The following HERC2 variants were observed in gnomAD, a reference collection of about 807,000 sequenced individuals.
HERC2 encodes the protein E3 ubiquitin-protein ligase HERC2.
A neutral mutation model predicts 537.7 loss-of-function variants in HERC2; 102 were observed. The ratio of observed to expected loss-of-function variants is 0.19; its 90% CI spans 0.16 to 0.22. The LOEUF is 0.22. HERC2 is among the 10% of genes least tolerant of loss of function. The pLI is 1.00. For synonymous variants in HERC2, 2,224 were observed against 2,466.2 expected (o/e 0.90, Z 2.91); for missense variants, 4,236 against 6,198.2 (o/e 0.68, Z 10.63).
At chr15:28,287,740 G>GTTAT (rs2076197639) in intron 4 of HERC2, among the ~76,000 whole-genome samples, 1 of 141,050 alleles carries the variant, frequency 7.1e-6, no homozygotes, top group African/African-American at 2.7e-5. Flanking sequence ...TTTTTTTTTG[G>GTTAT]TTTGAGATGG....
intron 70 of HERC2, among the ~76,000 whole-genome samples, chr15:28,148,512 C>T (rs868325969): frequency 1.3e-5 from 2 of 152,198 alleles, no homozygotes; most frequent in South Asian, 2.1e-4. Context: ...TTCAAGAGAA[C>T]GTCCTGCAAA....
At chr15:28,114,834 G>A (rs377317962) in intron 89 of HERC2, 32 bp from the exon 90 acceptor site, 218 of 1,585,778 alleles carry the variant, frequency 1.4e-4, no homozygotes, top group African/African-American at 9.2e-4. Context: ...CCCATGTGTC[G>A]ACTCACGGCT....
At chr15:28,132,038 GC>G (rs34582496) in intron 81 of HERC2, 61 bp downstream of exon 81, 5 of 1,275,278 alleles carry the variant, frequency 3.9e-6, no homozygotes, top group Non-Finnish European at 5.0e-6. Context: ...TCCCAGAGGG[GC>G]CCTGGGGGCC....
Position 28,221,987 on chromosome 15 carries a change from C to T in HERC2, c.5652+41G>A, listed in dbSNP as rs971499835. The T allele has an allele frequency of 2.9e-6, 3 of 1,041,710 alleles. No homozygotes were observed. The African/African-American group carries it at 4.3e-5, about 15-fold the overall frequency. 64.5% of individuals were successfully genotyped at this position (1,041,710 alleles called of 1,614,324 possible). On this transcript the variant is annotated intron_variant, in intron 36 of 92. Coordinates refer to ENST00000261609, the MANE Select transcript of HERC2 (RefSeq NM_004667.6). ...TCGTACAGAACTGTGCAGAAGATAA[C>T]TAATGTGTGGCTAATGTGTTCACAT...
chr15:28,261,081 G>A (rs989802953), intron 15 of HERC2, 111 bp from the exon 16 acceptor site: 237 of 735,060 alleles, frequency 3.2e-4, no homozygotes, highest in Middle Eastern at 7.7e-4. Context: ...ACTTCTTGAG[G>A]ATAATCTGCT....
chr15:28,246,183 C>G, intron 22 of HERC2, 117 bp from the exon 23 acceptor site: 1 of 657,056 alleles, frequency 1.5e-6, no homozygotes, highest in Non-Finnish European at 2.5e-6. Context: ...TGTCCTTTAG[C>G]ATATTTCTAA....
intron 26 of HERC2, among the ~76,000 whole-genome samples, chr15:28,236,735 G>A (rs4035915): frequency 5.9e-5 from 9 of 152,038 alleles, no homozygotes; most frequent in South Asian, 2.1e-4. Context: ...CTACAAATAC[G>A]TGCCAACATG....
chr15:28,225,297 CGA>C (rs1901006909), intron 35 of HERC2, among the ~76,000 whole-genome samples: 5 of 151,478 alleles, frequency 3.3e-5, no homozygotes, highest in Non-Finnish European at 4.4e-5. Context: ...AAGAAGGAAA[CGA>C]TAGAGATTAG....
chr15:28,177,340 T>C lies in HERC2; in HGVS notation c.9254+79A>G, dbSNP rs151147091. The C allele has an allele frequency of 7.5e-3, 10,896 of 1,460,224 alleles. 530 individuals carry two copies. In the Admixed American group the frequency reaches 0.099, roughly 13 times the overall value. The allele number at this position is 1,460,224 out of a possible 1,614,324, so 90.5% of individuals were successfully genotyped here. A position where few individuals can be genotyped will look rare whatever the true frequency, so the allele number is the denominator to read the frequency against. On this transcript the variant is annotated intron_variant, in intron 60 of 92. Coordinates refer to ENST00000261609, the MANE Select transcript of HERC2 (RefSeq NM_004667.6). The surrounding 1 kb of genome is among the most constrained non-coding windows in gnomAD (Gnocchi z 5.0). Reference sequence around the variant, plus strand: ...TTTCTATAATCTATTCTATTCTAATTTTCTGCAAAATAATTCTCAAGAGTA... The same window carrying C: ...TTTCTATAATCTATTCTATTCTAATCTTCTGCAAAATAATTCTCAAGAGTA...
At chr15:28,251,528 C>T (rs746473051) in intron 20 of HERC2, among the ~76,000 whole-genome samples, 14 of 151,368 alleles carry the variant, frequency 9.2e-5, no homozygotes, top group Non-Finnish European at 1.8e-4. Context: ...TGGCCAGGCG[C>T]GGTGGCTCAC....
intron 50 of HERC2, among the ~76,000 whole-genome samples, chr15:28,198,133 G>A (rs534688924): frequency 1.3e-5 from 2 of 152,150 alleles, no homozygotes; most frequent in Non-Finnish European, 2.9e-5. Context: ...CTCTGATGGA[G>A]ACACCCATTC....
chr15:28,139,896 T>G (rs1159350967), intron 78 of HERC2, among the ~76,000 whole-genome samples: 1 of 125,912 alleles, frequency 7.9e-6, no homozygotes, highest in African/African-American at 3.2e-5. Flanking sequence ...CCATCTCTAC[T>G]AAAAAAAAAA....
chr15:28,182,986 C>T (rs1431814076), intron 56 of HERC2, among the ~76,000 whole-genome samples: 3 of 152,146 alleles, frequency 2.0e-5, no homozygotes, highest in African/African-American at 4.8e-5. Context: ...AAGAATAAAA[C>T]GGATGTGGCC....
In HERC2 at chr15:28,270,244, T is replaced by TATAGATAGATAG. The variant is rs200317563; in HGVS notation, c.1257+439_1257+450dup. 2.6e-5 allele frequency among the ~76,000 whole-genome samples: 4 copies of TATAGATAGATAG among 151,158 alleles called. No individual in the cohort carries two copies. In the South Asian group the frequency reaches 8.4e-4, roughly 32 times the overall value. On this transcript the variant is annotated intron_variant, in intron 10 of 92. Coordinates refer to ENST00000261609, the MANE Select transcript of HERC2 (RefSeq NM_004667.6). Reference sequence around the variant, plus strand: ...ATAGAACCCACTCTTTTTATTTATTTATAGATAGATAGATAGATAGATAGA... The same window carrying TATAGATAGATAG: ...ATAGAACCCACTCTTTTTATTTATTTATAGATAGATAGATAGATAGATAGATAGATAGATAGA...
chr15:28,298,216 C>A (rs1364164820), intron 3 of HERC2, among the ~76,000 whole-genome samples: 1 of 147,194 alleles, frequency 6.8e-6, no homozygotes, highest in African/African-American at 2.5e-5. Flanking sequence ...TGCAGTAGCA[C>A]AATATCTGCT....
chr15:28,275,070 T>A (rs1181987166), intron 5 of HERC2, 65 bp from the exon 6 acceptor site: 6 of 989,216 alleles, frequency 6.1e-6, no homozygotes, highest in Non-Finnish European at 9.5e-6. Flanking sequence ...CTACATAAAA[T>A]CAATACTATG....
intron 83 of HERC2, among the ~76,000 whole-genome samples, chr15:28,126,433 CAT>C (rs779099437): frequency 6.1e-4 from 93 of 152,336 alleles, no homozygotes; most frequent in Admixed American, 1.8e-3. Flanking sequence ...CTTGCACACA[CAT>C]GTTTATAGCA....
chr15:28,174,938 T>C (rs1416605630), intron 64 of HERC2, among the ~76,000 whole-genome samples: 1 of 152,022 alleles, frequency 6.6e-6, no homozygotes, highest in Non-Finnish European at 1.5e-5. Flanking sequence ...TCCCTTTTAT[T>C]TTGCAAAGAA....
chr15:28,292,847 T>C (rs767062073), intron 4 of HERC2, 41 bp downstream of exon 4: 2 of 1,586,506 alleles, frequency 1.3e-6, no homozygotes, highest in Admixed American at 3.7e-5. Flanking sequence ...AAAGGGAGCG[T>C]CAGATCAACC....
Sources: gnomAD v4.1 joint callset for allele counts (sites outside exome capture counted in the v4.1 genomes callset) on GRCh38, gnomAD v4.1.1 for gene constraint, Gnocchi (gnomAD v3.1) non-coding constraint, MANE v1.5 for transcripts, NCBI Gene and HGNC (gene_info 2026-07-23, HGNC 2026-07-21) for gene names.